The following GPC4 variants were observed in gnomAD, a reference collection of about 807,000 sequenced individuals.
GPC4 encodes the protein glypican-4.
GPC4 carries 10 observed loss-of-function variants against 35.0 expected under a neutral mutation model. That is an observed-to-expected ratio of 0.29 (90% CI 0.18 to 0.48). The LOEUF is 0.48. Among genes scored for constraint, GPC4 ranks in the 20% least tolerant of loss-of-function variants. The pLI, the probability that GPC4 is intolerant of heterozygous loss-of-function variation, is 0.99. For missense variants in GPC4, 322 were observed against 451.3 expected (o/e 0.71, Z 2.60); for synonymous variants, 167 against 170.2 (o/e 0.98, Z 0.15).
At chrX:133,326,461 T>C (rs1204837969) in intron 2 of GPC4, among the ~76,000 whole-genome samples, 1 of 111,610 alleles carries the variant, frequency 9.0e-6, no homozygotes, top group African/African-American at 3.3e-5. Context: ...CATCATTCCA[T>C]TTTTACTATG....
chrX:133,334,952 T>C (rs1040548501), intron 2 of GPC4, among the ~76,000 whole-genome samples: 17 of 112,138 alleles, frequency 1.5e-4, no homozygotes, highest in Non-Finnish European at 2.3e-4. Flanking sequence ...ATGGCAGCTG[T>C]AATCACCTTA....
chrX:133,366,360 T>C (rs1569351108), intron 1 of GPC4, among the ~76,000 whole-genome samples: 1 of 111,834 alleles, frequency 8.9e-6, no homozygotes. Context: ...GTCTCACTTA[T>C]AGAGCACACC....
intron 1 of GPC4, among the ~76,000 whole-genome samples, chrX:133,357,432 C>T (rs562750298): frequency 5.6e-5 from 6 of 106,775 alleles, no homozygotes; most frequent in African/African-American, 1.7e-4. Context: ...CTGTCACCCA[C>T]GCTGGAGTGC....
At chrX:133,362,543 A>G (rs966442134) in intron 1 of GPC4, among the ~76,000 whole-genome samples, 2 of 111,837 alleles carry the variant, frequency 1.8e-5, no homozygotes, top group Non-Finnish European at 3.8e-5. Context: ...GATGGCACTT[A>G]GCACTGATAT....
chrX:133,304,889 A>AT (rs2068284263), intron 6 of GPC4, 28 bp from the exon 7 acceptor site: 1 of 1,201,067 alleles, frequency 8.3e-7, no homozygotes, highest in East Asian at 3.0e-5. Context: ...ACAACAAAAA[A>AT]AGATCATTGT....
Position 133,344,298 on chromosome X carries a change from T to G in GPC4, c.161-4957A>C, listed in dbSNP as rs772537962. 2.1e-4 allele frequency among the ~76,000 whole-genome samples: 20 copies of G among 94,630 alleles called. 1 individual carries two copies. The highest frequency in any genetic ancestry group is 7.5e-4 in the African/African-American group (20 of 26,522). The allele number at this position is 94,630 out of a possible 115,157, so 82.2% of individuals were successfully genotyped here. Reference sequence around the variant, plus strand: ...TGGAGTGCAATGGCGTGATCTCAGCTCACCGCAACCTCTGCCTCCCGGGTT... The same window carrying G: ...TGGAGTGCAATGGCGTGATCTCAGCGCACCGCAACCTCTGCCTCCCGGGTT... On this transcript the variant is annotated intron_variant, in intron 1 of 8. Transcript: ENST00000370828.
intron 2 of GPC4, among the ~76,000 whole-genome samples, chrX:133,325,928 C>CCTAACTCA (rs2068390793): frequency 9.0e-6 from 1 of 111,333 alleles, no homozygotes; most frequent in African/African-American, 3.3e-5. Flanking sequence ...TCTCTCAGCC[C>CCTAACTCA]CTAACTCATC....
chrX:133,382,762 A>AAAC (rs2068668578), intron 1 of GPC4, among the ~76,000 whole-genome samples: 1 of 112,159 alleles, frequency 8.9e-6, no homozygotes, highest in African/African-American at 3.3e-5. Context: ...AACAAACAAA[A>AAAC]AAACAGGCAA....
rs753375530 is a variant in GPC4 at position 133,404,866 on chromosome X, A to AAAAAAAAAAGAAAAG, written c.160+9939_160+9940insCTTTTCTTTTTTTTT. On this transcript the variant is annotated intron_variant, in intron 1 of 8. Coordinates refer to ENST00000370828, the MANE Select transcript of GPC4 (RefSeq NM_001448.3). ...GACCCTGTCTCAAAAAAAAAAAAAA[A>AAAAAAAAAAGAAAAG]AAGGTGCAGAGGAACAAAATCATAA... is the stretch of plus-strand genomic sequence containing the variant. Among the ~76,000 whole-genome samples the AAAAAAAAAAGAAAAG allele has an allele frequency of 2.8e-4, 25 of 89,268 alleles. 1 individual carries two copies. Among genetic ancestry groups the AAAAAAAAAAGAAAAG allele is most frequent in the African/African-American group, 1.2e-3 (23 of 19,224 alleles). 77.5% of individuals were successfully genotyped at this position (89,268 alleles called of 115,157 possible).
At chrX:133,390,131 T>C (rs920928502) in intron 1 of GPC4, among the ~76,000 whole-genome samples, 6 of 111,007 alleles carry the variant, frequency 5.4e-5, no homozygotes, top group Admixed American at 4.8e-4. Context: ...GTTCTCGTTA[T>C]GATCTAAGCT....
At chrX:133,410,133 A>G (rs1050845996) in intron 1 of GPC4, among the ~76,000 whole-genome samples, 1 of 111,981 alleles carries the variant, frequency 8.9e-6, no homozygotes, top group African/African-American at 3.2e-5. Context: ...GATCCTCTCC[A>G]CTATAACACG....
At chrX:133,382,455 A>G (rs1360090004) in intron 1 of GPC4, among the ~76,000 whole-genome samples, 1 of 88,950 alleles carries the variant, frequency 1.1e-5, no homozygotes, top group Non-Finnish European at 2.2e-5. Context: ...AAGGCCGGGC[A>G]CAGTGGCTCA....
intron 1 of GPC4, among the ~76,000 whole-genome samples, chrX:133,414,069 G>A (rs1043107810): frequency 9.0e-6 from 1 of 111,104 alleles, no homozygotes. Context: ...AATGAGGTAA[G>A]AAAAAAGAAA....
chrX:133,373,709 T>C (rs1346411748), intron 1 of GPC4, among the ~76,000 whole-genome samples: 4 of 111,681 alleles, frequency 3.6e-5, no homozygotes, highest in African/African-American at 1.3e-4. Flanking sequence ...TTGTCCAAGG[T>C]CCCTTTCTGG....
chrX:133,388,092 A>G (rs1242983672), intron 1 of GPC4, among the ~76,000 whole-genome samples: 1 of 112,069 alleles, frequency 8.9e-6, no homozygotes, highest in Non-Finnish European at 1.9e-5. Context: ...ATTTGTTGCT[A>G]AAGGGACTTT....
chrX:133,319,172 A>C (rs2068352175), intron 3 of GPC4, among the ~76,000 whole-genome samples: 1 of 111,069 alleles, frequency 9.0e-6, no homozygotes, highest in African/African-American at 3.3e-5. Flanking sequence ...GGCCGGGCGC[A>C]GTGGCTTATG....
chrX:133,377,249 G>A (rs1285210347), intron 1 of GPC4, among the ~76,000 whole-genome samples: 1 of 111,729 alleles, frequency 9.0e-6, no homozygotes. Context: ...CAGAGGCCCT[G>A]GAGCCCAGAG....
chrX:133,366,231 T>C (rs1400992679), intron 1 of GPC4, among the ~76,000 whole-genome samples: 2 of 112,500 alleles, frequency 1.8e-5, no homozygotes, highest in African/African-American at 6.5e-5. Flanking sequence ...TATTACATAA[T>C]GGCACACACA....
chrX:133,306,463 G>C (rs964244893), intron 4 of GPC4, among the ~76,000 whole-genome samples: 2 of 111,373 alleles, frequency 1.8e-5, no homozygotes, highest in Non-Finnish European at 3.8e-5. Flanking sequence ...GTCACTGTAA[G>C]GCTCTTAGTT....
Sources: gnomAD v4.1 joint callset for allele counts (sites outside exome capture counted in the v4.1 genomes callset) on GRCh38, gnomAD v4.1.1 for gene constraint, MANE v1.5 for transcripts, NCBI Gene and HGNC (gene_info 2026-07-23, HGNC 2026-07-21) for gene names.